KCNK10: variants seen among roughly 807,000 people sequenced by gnomAD.
The protein encoded by KCNK10 is potassium two pore domain channel subfamily K member 10.
In KCNK10, 25 loss-of-function variants were observed where a neutral mutation model predicts 47.7. The ratio of observed to expected loss-of-function variants is 0.52; its 90% CI spans 0.38 to 0.73. The LOEUF is 0.73. KCNK10 is among the 30% of genes least tolerant of loss of function. The pLI is 0.00. For missense variants in KCNK10, 563 were observed against 714.5 expected (o/e 0.79, Z 2.42); for synonymous variants, 303 against 285.6 (o/e 1.06, Z -0.61).
intron 1 of KCNK10, among the ~76,000 whole-genome samples, chr14:88,320,084 G>A (rs1261944210): frequency 6.6e-6 from 1 of 152,158 alleles, no homozygotes; most frequent in East Asian, 1.9e-4. Context: ...GAATAACTGT[G>A]CACAAAGTCA....
At chr14:88,215,867 T>C (rs1341873738) in intron 4 of KCNK10, among the ~76,000 whole-genome samples, 1 of 152,218 alleles carries the variant, frequency 6.6e-6, no homozygotes, top group East Asian at 1.9e-4. Flanking sequence ...TTTGATATCT[T>C]TACTGTGCAT....
intron 4 of KCNK10, among the ~76,000 whole-genome samples, chr14:88,195,009 G>C (rs1364072006): frequency 6.9e-6 from 1 of 144,458 alleles, no homozygotes; most frequent in South Asian, 2.2e-4. Context: ...CCATGTTTTT[G>C]CTGCCCTCTA....
chr14:88,255,381 A>G (rs542062057), intron 2 of KCNK10, among the ~76,000 whole-genome samples: 3 of 152,236 alleles, frequency 2.0e-5, no homozygotes, highest in East Asian at 1.9e-4. Flanking sequence ...TTCCTCATCC[A>G]TAAAATGAGA....
chr14:88,261,778 A>G (rs1490193203), intron 2 of KCNK10, among the ~76,000 whole-genome samples: 4 of 152,170 alleles, frequency 2.6e-5, no homozygotes, highest in Non-Finnish European at 4.4e-5. Context: ...AAAAGAAAAA[A>G]AAAAAAGACA....
rs749744642 is a variant in KCNK10 at position 88,200,740 on chromosome 14, ACT to A, written c.682-8332_682-8331del. 3.3e-5 allele frequency among the ~76,000 whole-genome samples: 5 copies of A among 152,250 alleles called. No individual in the cohort carries two copies. The South Asian group carries it at 6.2e-4, about 19-fold the overall frequency. Reference sequence around the variant, plus strand: ...TTCAATGAGTATTTATCATGTACCTACTCTCTGTCAGATATTGAGCTAACTTC... The same window carrying A: ...TTCAATGAGTATTTATCATGTACCTACTCTGTCAGATATTGAGCTAACTTC... On this transcript the variant is annotated intron_variant, in intron 4 of 6. Transcript: ENST00000319231.
chr14:88,306,199 C>A (rs539447788), intron 1 of KCNK10, among the ~76,000 whole-genome samples: 173 of 152,122 alleles, frequency 1.1e-3, no homozygotes, highest in Non-Finnish European at 2.0e-3. Context: ...TCCATGAAAT[C>A]CATGGTAGAC....
At chr14:88,274,966 C>T (rs561165282) in intron 1 of KCNK10, among the ~76,000 whole-genome samples, 2 of 152,242 alleles carry the variant, frequency 1.3e-5, no homozygotes, top group East Asian at 3.9e-4. Flanking sequence ...CCCTCTGATC[C>T]AACCTTCCCC....
chr14:88,325,487 G>T (rs2139812290), upstream of KCNK10, among the ~76,000 whole-genome samples: 1 of 152,266 alleles, frequency 6.6e-6, no homozygotes, highest in South Asian at 2.1e-4. Context: ...GAAGATCAAG[G>T]CTCAGAGAGA....
At chr14:88,219,818 T>TCTAA (rs1368429317) in intron 4 of KCNK10, among the ~76,000 whole-genome samples, 1 of 152,144 alleles carries the variant, frequency 6.6e-6, no homozygotes, top group African/African-American at 2.4e-5. Context: ...AATTTTCATT[T>TCTAA]CTAACAAGTT....
Position 88,239,191 on chromosome 14 carries a change from C to T in KCNK10, c.520+1512G>A, listed in dbSNP as rs549541474. Among the ~76,000 whole-genome samples the T allele has an allele frequency of 4.1e-5, 6 of 148,140 alleles. No homozygotes were observed. The East Asian group carries it at 1.0e-3, about 25-fold the overall frequency. On this transcript the variant is annotated intron_variant, in intron 3 of 6. Coordinates refer to ENST00000319231, the MANE Select transcript of KCNK10 (RefSeq NM_138317.3). ...ACTTGTTCAATGCGGGATTGCCATA[C>T]ACCTTAAATTTGTTTAAAAAAAAAA...
intron 1 of KCNK10, among the ~76,000 whole-genome samples, chr14:88,309,198 T>A (rs1888262151): frequency 6.6e-6 from 1 of 152,260 alleles, no homozygotes; most frequent in Non-Finnish European, 1.5e-5. Context: ...TTGTACTTGC[T>A]GCAGACATAG....
upstream of KCNK10, chr14:88,326,437 CTG>C (rs1393571909): frequency 4.3e-6 from 7 of 1,613,586 alleles, no homozygotes; most frequent in Non-Finnish European, 5.9e-6. Context: ...AGAAAGAAGT[CTG>C]TGTAGAGAAA....
chr14:88,315,602 G>A (rs1423246888), intron 1 of KCNK10, among the ~76,000 whole-genome samples: 1 of 152,076 alleles, frequency 6.6e-6, no homozygotes, highest in African/African-American at 2.4e-5. Context: ...CTCGAGTTCT[G>A]CTTGCACATA....
In KCNK10 at chr14:88,180,907, C is replaced by A; in HGVS notation, c.*4628G>T. The A allele has an allele frequency of 2.5e-6, 1 of 398,628 alleles. No individual in the cohort carries two copies. Among genetic ancestry groups the A allele is most frequent in the South Asian group, 1.3e-4 (1 of 7,840 alleles). 24.7% of individuals were successfully genotyped at this position (398,628 alleles called of 1,614,324 possible). ...ATCCACAATGCCACACTAAAGTGAT[C>A]TTTGTTTCAGAGAGTTACCCTTTTT... On this transcript the variant is annotated 3_prime_UTR_variant, in exon 7 of 7. Transcript: ENST00000319231.
At chr14:88,222,588 C>A (rs1885852696) in intron 4 of KCNK10, among the ~76,000 whole-genome samples, 1 of 152,110 alleles carries the variant, frequency 6.6e-6, no homozygotes, top group African/African-American at 2.4e-5. Flanking sequence ...TAAATTGTAA[C>A]AAATGTACCA....
chr14:88,256,372 G>C (rs963048358), intron 2 of KCNK10, among the ~76,000 whole-genome samples: 3 of 152,096 alleles, frequency 2.0e-5, no homozygotes, highest in Non-Finnish European at 4.4e-5. Flanking sequence ...TGAGCCCACC[G>C]GGTCCCTCAG....
At chr14:88,211,674 G>C (rs561617740) in intron 4 of KCNK10, among the ~76,000 whole-genome samples, 14 of 151,978 alleles carry the variant, frequency 9.2e-5, no homozygotes, top group Non-Finnish European at 1.8e-4. Flanking sequence ...GAGGCAGGTG[G>C]ATCATGAGGT....
intron 4 of KCNK10, among the ~76,000 whole-genome samples, chr14:88,207,242 G>A (rs957370856): frequency 3.5e-5 from 5 of 142,022 alleles, no homozygotes; most frequent in Non-Finnish European, 4.5e-5. Flanking sequence ...GTGCAATTTC[G>A]GCTCACTGCA....
chr14:88,201,143 T>C (rs376013500), intron 4 of KCNK10, among the ~76,000 whole-genome samples: 29 of 152,274 alleles, frequency 1.9e-4, no homozygotes, highest in East Asian at 1.4e-3. Context: ...AAAGTTTCCA[T>C]TGGAGGCCTC....
Sources: allele counts gnomAD v4.1 joint callset (sites outside exome capture counted in the v4.1 genomes callset), GRCh38; gene constraint gnomAD v4.1.1; transcripts MANE v1.5; gene names NCBI Gene and HGNC (gene_info 2026-07-23, HGNC 2026-07-21).